RAB4A: variants seen among roughly 807,000 people sequenced by gnomAD.
RAB4A encodes the protein ras-related protein Rab-4A.
RAB4A carries 20 observed loss-of-function variants against 34.5 expected under a neutral mutation model. The observed-to-expected ratio is 0.58, with a 90% CI of 0.41 to 0.84. RAB4A has a LOEUF of 0.84. Ranked by LOEUF, RAB4A falls within the 40% of genes least tolerant of loss-of-function variation. The probability of loss-of-function intolerance (pLI) is 0.00; values close to 1 mark genes in which losing one functional copy is unlikely to be tolerated. For synonymous variants in RAB4A, 102 were observed against 100.0 expected (o/e 1.02, Z -0.12); for missense variants, 228 against 274.5 (o/e 0.83, Z 1.20).
At chr1:229,287,970 G>A (rs1021721727) in intron 2 of RAB4A, among the ~76,000 whole-genome samples, 7 of 152,116 alleles carry the variant, frequency 4.6e-5, no homozygotes, top group African/African-American at 7.2e-5. Flanking sequence ...GTGTATTCCC[G>A]CTGGGTTTAG....
chr1:229,280,035 G>A (rs1380391824), intron 1 of RAB4A, among the ~76,000 whole-genome samples: 6 of 152,084 alleles, frequency 3.9e-5, no homozygotes, highest in Non-Finnish European at 7.4e-5. Context: ...AAGCCTTTCT[G>A]TAGTTGTTAA....
chr1:229,295,314 T>C (rs1199550592), intron 3 of RAB4A, among the ~76,000 whole-genome samples: 1 of 152,106 alleles, frequency 6.6e-6, no homozygotes. Flanking sequence ...AAAGACGCCT[T>C]CTTGAATGTG....
At chr1:229,303,118 C>T in intron 7 of RAB4A, 129 bp downstream of exon 7, 2 of 638,612 alleles carry the variant, frequency 3.1e-6, no homozygotes, top group South Asian at 1.9e-5. Flanking sequence ...AATTCCAGCA[C>T]TTTGGGAGGC....
At chr1:229,298,684 C>T (rs1657305301) in intron 5 of RAB4A, among the ~76,000 whole-genome samples, 1 of 152,216 alleles carries the variant, frequency 6.6e-6, no homozygotes, top group Admixed American at 6.5e-5. Context: ...CAAGCCAGCT[C>T]CTTTCTGATG....
intron 1 of RAB4A, among the ~76,000 whole-genome samples, chr1:229,275,369 C>A (rs947585204): frequency 3.3e-5 from 5 of 152,110 alleles, no homozygotes; most frequent in African/African-American, 1.2e-4. Flanking sequence ...GGATCCTTCC[C>A]TTGAGCCTTC....
chr1:229,299,235 T>C (rs758501359), intron 6 of RAB4A, among the ~76,000 whole-genome samples, 163 bp downstream of exon 6: 5 of 152,210 alleles, frequency 3.3e-5, no homozygotes, highest in African/African-American at 2.4e-5. Context: ...CCTGTTCTTA[T>C]CAGGATGAAA....
At chr1:229,277,937 T>C (rs1558234888) in intron 1 of RAB4A, among the ~76,000 whole-genome samples, 1 of 151,488 alleles carries the variant, frequency 6.6e-6, no homozygotes. Flanking sequence ...TTATCTCAGC[T>C]CACTGCAACC....
At chr1:229,302,303 A>ATTT (rs1657427596) in intron 6 of RAB4A, among the ~76,000 whole-genome samples, 1 of 39,710 alleles carries the variant, frequency 2.5e-5, no homozygotes, top group African/African-American at 8.2e-5. Context: ...ATATATATAT[A>ATTT]TATATATTTT....
intron 2 of RAB4A, among the ~76,000 whole-genome samples, chr1:229,287,589 C>T (rs1656957462): frequency 6.6e-6 from 1 of 152,190 alleles, no homozygotes; most frequent in African/African-American, 2.4e-5. Context: ...CCTGCATGGT[C>T]CTCTCTGCAA....
intron 4 of RAB4A, among the ~76,000 whole-genome samples, chr1:229,296,732 C>T (rs1319732316): frequency 6.6e-6 from 1 of 152,334 alleles, no homozygotes; most frequent in East Asian, 1.9e-4. Flanking sequence ...CTCTTCCAAT[C>T]TGTGTCCCGG....
intron 1 of RAB4A, among the ~76,000 whole-genome samples, chr1:229,275,507 A>G (rs1286703610): frequency 6.6e-6 from 1 of 152,146 alleles, no homozygotes; most frequent in African/African-American, 2.4e-5. Flanking sequence ...CTAAGAAACT[A>G]AAATATAGGC....
At chr1:229,303,111 T>G in intron 7 of RAB4A, 122 bp downstream of exon 7, 7 of 679,824 alleles carry the variant, frequency 1.0e-5, no homozygotes, top group Non-Finnish European at 1.7e-5. Flanking sequence ...TGGCTCTAAT[T>G]CCAGCACTTT....
chr1:229,289,548 C>T (rs1246995773), intron 3 of RAB4A, among the ~76,000 whole-genome samples: 3 of 152,200 alleles, frequency 2.0e-5, no homozygotes, highest in Admixed American at 6.5e-5. Flanking sequence ...GGCACAATGG[C>T]GCATGCCTGT....
intron 4 of RAB4A, among the ~76,000 whole-genome samples, chr1:229,296,752 G>A (rs765130439): frequency 7.2e-5 from 11 of 152,188 alleles, no homozygotes; most frequent in Non-Finnish European, 1.5e-4. Context: ...GGAGCCAGGC[G>A]TTCTGAGAGG....
At chr1:229,290,381 G>T (rs1657036927) in intron 3 of RAB4A, among the ~76,000 whole-genome samples, 1 of 152,142 alleles carries the variant, frequency 6.6e-6, no homozygotes, top group African/African-American at 2.4e-5. Context: ...CTGGCAGCCA[G>T]GTGTGTATGT....
intron 1 of RAB4A, among the ~76,000 whole-genome samples, chr1:229,286,111 G>T (rs1272566793): frequency 6.6e-6 from 1 of 152,162 alleles, no homozygotes; most frequent in African/African-American, 2.4e-5. Context: ...AGTCTACCAG[G>T]TTTATTCTTT....
chr1:229,288,320 T>C (rs1008369352), intron 2 of RAB4A, among the ~76,000 whole-genome samples: 2 of 152,230 alleles, frequency 1.3e-5, no homozygotes, highest in African/African-American at 4.8e-5. Flanking sequence ...AATACAGTAG[T>C]TGAAACTGTC....
chr1:229,288,824 G>A lies in RAB4A; in HGVS notation c.208G>A (p.Ala70Thr). The A allele has an allele frequency of 6.4e-7, 1 of 1,565,138 alleles. No individual in the cohort carries two copies. Among genetic ancestry groups the A allele is most frequent in the Non-Finnish European group, 8.8e-7 (1 of 1,141,164 alleles). The change falls in exon 3 of 8, where the codon GCA (alanine) becomes ACA (threonine). Residue 70 changes from alanine to threonine, a missense_variant. By Grantham distance (58) the Ala-to-Thr change is moderately conservative. Transcript: ENST00000366690. ...TGTAAAGTTACAAATATGGGATACAGCAGGACAAGAACGATTCAGGTAGCT... is the reference window on the plus strand; with the variant it reads ...TGTAAAGTTACAAATATGGGATACAACAGGACAAGAACGATTCAGGTAGCT... ...KYVKLQIWDT[A>T]GQERFRSVTR... is the part of the protein sequence containing the mutation.
At chr1:229,294,561 C>T (rs1325969675) in intron 3 of RAB4A, among the ~76,000 whole-genome samples, 1 of 152,170 alleles carries the variant, frequency 6.6e-6, no homozygotes, top group African/African-American at 2.4e-5. Flanking sequence ...GATGTGGGGC[C>T]ACGCGTGGTG....
Sources: allele counts gnomAD v4.1 joint callset (sites outside exome capture counted in the v4.1 genomes callset), GRCh38; gene constraint gnomAD v4.1.1; transcripts MANE v1.5; gene names NCBI Gene and HGNC (gene_info 2026-07-23, HGNC 2026-07-21).